ARHGEF28: variants seen among roughly 807,000 people sequenced by gnomAD.
ARHGEF28 encodes the protein 190 kDa guanine nucleotide exchange factor.
ARHGEF28 carries 152 observed loss-of-function variants against 206.6 expected under a neutral mutation model. That is an observed-to-expected ratio of 0.74 (90% CI 0.64 to 0.84). The LOEUF is 0.84. ARHGEF28 is among the 40% of genes least tolerant of loss of function. ARHGEF28 has a pLI of 0.00. For synonymous variants in ARHGEF28, 763 were observed against 776.4 expected, an observed-to-expected ratio of 0.98 and a Z score of 0.29; for missense variants, 2,028 against 2,073.2, an observed-to-expected ratio of 0.98 and a Z score of 0.42.
At chr5:73,808,189 C>T (rs567584193) in intron 9 of ARHGEF28, among the ~76,000 whole-genome samples, 3 of 151,782 alleles carry the variant, frequency 2.0e-5, no homozygotes, top group Non-Finnish European at 4.4e-5. Flanking sequence ...ACCATGCTCC[C>T]GATTCATGTC....
intron 16 of ARHGEF28, 39 bp downstream of exon 16, chr5:73,858,258 T>C (rs1007781631): frequency 1.3e-6 from 2 of 1,531,330 alleles, no homozygotes; most frequent in Admixed American, 2.3e-5. Flanking sequence ...TTTGTTTTCA[T>C]CTCCTGACAG....
chr5:73,671,694 T>TTATGTATATATATATATA (rs1746307772), intron 1 of ARHGEF28, among the ~76,000 whole-genome samples: 1 of 76,110 alleles, frequency 1.3e-5, no homozygotes, highest in African/African-American at 4.6e-5. Flanking sequence ...TTGAACTTGA[T>TTATGTATATATATATATA]TATATATATA....
At chr5:73,754,216 A>G (rs1324923173) in intron 4 of ARHGEF28, among the ~76,000 whole-genome samples, 1 of 152,194 alleles carries the variant, frequency 6.6e-6, no homozygotes, top group Non-Finnish European at 1.5e-5. Context: ...CTCTGGGTAA[A>G]GGGGTGTGAA....
intron 9 of ARHGEF28, among the ~76,000 whole-genome samples, chr5:73,819,950 C>A (rs1390795547): frequency 6.6e-6 from 1 of 152,142 alleles, no homozygotes; most frequent in Non-Finnish European, 1.5e-5. Context: ...GCCTTGCGTA[C>A]GTTTTTAGGA....
At chr5:73,821,231 G>A (rs1056608957) in intron 9 of ARHGEF28, among the ~76,000 whole-genome samples, 1 of 152,074 alleles carries the variant, frequency 6.6e-6, no homozygotes, top group Admixed American at 6.5e-5. Context: ...ATGCCAGGTA[G>A]TACTTGGCTT....
intron 1 of ARHGEF28, among the ~76,000 whole-genome samples, chr5:73,657,544 A>G (rs1432873068): frequency 6.6e-6 from 1 of 152,160 alleles, no homozygotes; most frequent in African/African-American, 2.4e-5. Flanking sequence ...TGTCTTTTTC[A>G]TGATGGATAG....
At chr5:73,905,410 G>T (rs549400234) in intron 33 of ARHGEF28, 2 of 151,978 alleles carry the variant, frequency 1.3e-5, no homozygotes. Flanking sequence ...CAGTGTGTCC[G>T]ATGGCTTAAT....
chr5:73,711,871 C>T (rs59186331), intron 2 of ARHGEF28, among the ~76,000 whole-genome samples: 3,509 of 150,188 alleles, frequency 0.023, 130 homozygotes, highest in African/African-American at 0.082. Context: ...ACTTTTCTTG[C>T]TTTTGATCTT....
At position 73,901,576 on chromosome 5, in the gene ARHGEF28, C is replaced by G. The variant is rs2931424; in HGVS notation, c.4074+292C>G. The G allele has an allele frequency of 0.46, 82,501 of 178,466 alleles. 20,206 individuals carry two copies. Among genetic ancestry groups the G allele is most frequent in the African/African-American group, 0.64 (27,018 of 42,060 alleles). The allele number at this position is 178,466 out of a possible 1,614,324, so 11.1% of individuals were successfully genotyped here. ...CTCTCTGACTTCTGGTCTTTCTGCC[C>G]TGCAAACCTTTGCTTCTCACCCACT... On this transcript the variant is annotated intron_variant, in intron 31 of 35. Transcript: ENST00000513042.
intron 7 of ARHGEF28, among the ~76,000 whole-genome samples, chr5:73,785,477 G>C (rs974824807): frequency 1.3e-5 from 2 of 152,124 alleles, no homozygotes; most frequent in African/African-American, 4.8e-5. Flanking sequence ...GCGCACACCA[G>C]AGAAGTGCAA....
intron 2 of ARHGEF28, among the ~76,000 whole-genome samples, chr5:73,705,949 G>T (rs1748905189): frequency 6.6e-6 from 1 of 152,190 alleles, no homozygotes. Flanking sequence ...GAAGTGCTGA[G>T]CACGTGGCGG....
chr5:73,749,796 A>G (rs952499299), intron 2 of ARHGEF28, 41 bp from the exon 3 acceptor site: 27 of 1,609,448 alleles, frequency 1.7e-5, no homozygotes, highest in Middle Eastern at 1.7e-4. Context: ...TAGAGCCAGG[A>G]CAAGGAAGTC....
At chr5:73,874,937 G>A (rs1263268861) in intron 22 of ARHGEF28, among the ~76,000 whole-genome samples, 2 of 151,912 alleles carry the variant, frequency 1.3e-5, no homozygotes, top group Non-Finnish European at 1.5e-5. Context: ...TATATCCAGT[G>A]ATGGGATGGC....
At chr5:73,815,603 A>C (rs1471408407) in intron 9 of ARHGEF28, among the ~76,000 whole-genome samples, 1 of 152,140 alleles carries the variant, frequency 6.6e-6, no homozygotes, top group Non-Finnish European at 1.5e-5. Flanking sequence ...TTTTGTATTT[A>C]TGTGGCCCAG....
chr5:73,780,584 A>G (rs1580608417), intron 6 of ARHGEF28, 92 bp from the exon 7 acceptor site: 11 of 1,298,704 alleles, frequency 8.5e-6, no homozygotes, highest in Non-Finnish European at 1.2e-5. Flanking sequence ...CTCTGAGATC[A>G]TTGATAGTGA....
chr5:73,734,553 G>A (rs2112357340), intron 2 of ARHGEF28, among the ~76,000 whole-genome samples: 2 of 152,280 alleles, frequency 1.3e-5, no homozygotes, highest in Middle Eastern at 6.8e-3. Context: ...ACAAAGTGAG[G>A]AGTTAGCATA....
At chr5:73,897,053 G>A (rs1418682919) in intron 29 of ARHGEF28, among the ~76,000 whole-genome samples, 7 of 152,180 alleles carry the variant, frequency 4.6e-5, no homozygotes, top group Non-Finnish European at 8.8e-5. Flanking sequence ...ACCTTGAATC[G>A]TCTTCCTGGG....
Position 73,887,691 on chromosome 5 carries a change from A to T in ARHGEF28, c.3387+12A>T, listed in dbSNP as rs778305053. Reference sequence around the variant, plus strand: ...TCTTTGCAGCCGTTGTAAGTATATGACTGTGTGATGTATTTAAAAAATAGG... The same window carrying T: ...TCTTTGCAGCCGTTGTAAGTATATGTCTGTGTGATGTATTTAAAAAATAGG... On this transcript the variant is annotated intron_variant, in intron 26 of 35. Coordinates refer to ENST00000513042, the MANE Select transcript of ARHGEF28 (RefSeq NM_001177693.2). 6.5e-7 allele frequency: 1 copy of T among 1,544,424 alleles called. No homozygotes were observed. The highest frequency in any genetic ancestry group is 1.2e-5 in the South Asian group (1 of 80,564).
intron 4 of ARHGEF28, among the ~76,000 whole-genome samples, chr5:73,773,640 G>A (rs555709912): frequency 6.6e-6 from 1 of 152,160 alleles, no homozygotes; most frequent in Admixed American, 6.5e-5. Flanking sequence ...GTGCTCAGCG[G>A]ACCTGGCCCC....
Sources: allele counts gnomAD v4.1 joint callset (sites outside exome capture counted in the v4.1 genomes callset), GRCh38; gene constraint gnomAD v4.1.1; transcripts MANE v1.5; gene names NCBI Gene and HGNC (gene_info 2026-07-23, HGNC 2026-07-21).